The following MAPK10 variants were observed in gnomAD, a reference collection of about 807,000 sequenced individuals.
The protein encoded by MAPK10 is mitogen-activated protein kinase 10, also known as JNK3 alpha protein kinase.
Under a neutral mutation model 59.3 loss-of-function variants are expected in MAPK10, and 25 were observed. The observed-to-expected ratio is 0.42, with a 90% CI of 0.31 to 0.59. The LOEUF is 0.59. MAPK10 is among the 20% of genes least tolerant of loss of function. MAPK10 has a pLI of 0.15. For synonymous variants in MAPK10, 190 were observed against 200.5 expected (o/e 0.95, Z 0.44); for missense variants, 351 against 568.9 (o/e 0.62, Z 3.90).
chr4:86,208,863 T>C (rs1176692451), intron 2 of MAPK10, among the ~76,000 whole-genome samples: 1 of 152,102 alleles, frequency 6.6e-6, no homozygotes, highest in Non-Finnish European at 1.5e-5. Flanking sequence ...TTTTAAGCAA[T>C]AAAATAATTA....
chr4:86,576,277 G>T (rs1039516292), intron 1 of MAPK10, among the ~76,000 whole-genome samples: 7 of 152,034 alleles, frequency 4.6e-5, no homozygotes, highest in African/African-American at 1.7e-4. Flanking sequence ...AGAAAATGAG[G>T]GGGGAAGACA....
In MAPK10 at chr4:86,301,555, G is replaced by T. The variant is rs541315550; in HGVS notation, c.-7+52975C>A. ...ATGATCTATTATCCTCTTTAATGAAGGGAAGAGTCTAATAGACTTCTTCCA... is the reference window on the plus strand; with the variant it reads ...ATGATCTATTATCCTCTTTAATGAATGGAAGAGTCTAATAGACTTCTTCCA... On this transcript the variant is annotated intron_variant, in intron 2 of 13. Transcript: ENST00000641462. Among the ~76,000 whole-genome samples the T allele has an allele frequency of 2.0e-5, 3 of 152,188 alleles. No individual in the cohort carries two copies. The East Asian group carries it at 5.8e-4, about 29-fold the overall frequency.
At chr4:86,182,907 C>T (rs373308099) in intron 3 of MAPK10, among the ~76,000 whole-genome samples, 2 of 152,030 alleles carry the variant, frequency 1.3e-5, no homozygotes, top group Admixed American at 6.6e-5. Context: ...TCATGCTTCA[C>T]TTCTTTTTAT....
chr4:86,046,447 T>A (rs1396661302), intron 11 of MAPK10, among the ~76,000 whole-genome samples: 3 of 150,874 alleles, frequency 2.0e-5, no homozygotes, highest in Non-Finnish European at 4.4e-5. Context: ...GGGTTTGTCA[T>A]AAATAGCTGT....
chr4:86,289,134 G>A (rs1167467033), intron 2 of MAPK10, among the ~76,000 whole-genome samples: 3 of 152,148 alleles, frequency 2.0e-5, no homozygotes, highest in Non-Finnish European at 2.9e-5. Flanking sequence ...CAGAGACATG[G>A]ATAAAGTGAA....
intron 1 of MAPK10, among the ~76,000 whole-genome samples, chr4:86,560,330 C>T (rs1760578825): frequency 6.6e-6 from 1 of 152,058 alleles, no homozygotes; most frequent in South Asian, 2.1e-4. Context: ...AGTGTGTGCC[C>T]CTACAGGTTG....
intron 9 of MAPK10, among the ~76,000 whole-genome samples, chr4:86,093,146 T>TA (rs1208627133): frequency 1.2e-4 from 18 of 152,156 alleles, no homozygotes. Flanking sequence ...TAAAGAACTA[T>TA]ATTGCTACTT....
chr4:86,194,235 T>C, intron 3 of MAPK10, 101 bp downstream of exon 3: 2 of 903,228 alleles, frequency 2.2e-6, no homozygotes, highest in South Asian at 1.4e-5. Context: ...GTTAATATGA[T>C]ATAAATACTG....
At chr4:86,573,494 G>A (rs79456220) in intron 1 of MAPK10, among the ~76,000 whole-genome samples, 7,129 of 152,108 alleles carry the variant, frequency 0.047, 221 homozygotes, top group African/African-American at 0.059. Flanking sequence ...CTTGAATACT[G>A]CAGCTGAATA....
At position 86,503,354 on chromosome 4, in the gene MAPK10, T is replaced by C. The variant is rs563387253; in HGVS notation, c.-263+90556A>G. 1.1e-4 allele frequency among the ~76,000 whole-genome samples: 17 copies of C among 152,250 alleles called. No individual in the cohort carries two copies. In the South Asian group the frequency reaches 3.1e-3, roughly 28 times the overall value. ...CAGCTCCCATACTTTTCCAATTAGA[T>C]TGTTGAAATGGGTACCTAAAATATC... On this transcript the variant is annotated intron_variant, in intron 1 of 4. Transcript: ENST00000502302.
chr4:86,017,125 G>A lies in MAPK10; in HGVS notation c.*103C>T, dbSNP rs1468255132. 7.9e-7 allele frequency: 1 copy of A among 1,258,952 alleles called. No individual in the cohort carries two copies. The highest frequency in any genetic ancestry group is 2.4e-5 in the East Asian group (1 of 42,216). 78.0% of individuals were successfully genotyped at this position (1,258,952 alleles called of 1,614,324 possible). A position where few individuals can be genotyped will look rare whatever the true frequency, so the allele number is the denominator to read the frequency against. On this transcript the variant is annotated 3_prime_UTR_variant, in exon 14 of 14. Transcript: ENST00000641462. This position sits in a 1 kb window ranked among gnomAD's most constrained non-coding sequence, Gnocchi z 4.4. ...GGATTCTCTCCCTTGCTGTTTTCTT[G>A]ATGTTGTGTGTCTGCATTTGTGTGT...
chr4:86,197,604 G>C (rs1051863618), intron 2 of MAPK10, among the ~76,000 whole-genome samples: 1 of 152,120 alleles, frequency 6.6e-6, no homozygotes, highest in African/African-American at 2.4e-5. Flanking sequence ...CCTATCTACA[G>C]TGGGAAGTCA....
Position 86,502,155 on chromosome 4 carries a change from T to C in MAPK10, c.-263+91755A>G, listed in dbSNP as rs561593669. On this transcript the variant is annotated intron_variant, in intron 1 of 4. Coordinates refer to the MAPK10 transcript ENST00000502302. ...TGCCTCTTTAACGGCTACTTTTTGA[T>C]CTCCATTTTTTTTCCTCCTCTAAAT... is the stretch of plus-strand genomic sequence containing the variant. 2.8e-4 allele frequency among the ~76,000 whole-genome samples: 42 copies of C among 152,088 alleles called. 1 individual carries two copies. In the East Asian group the frequency reaches 7.4e-3, roughly 27 times the overall value.
chr4:86,147,540 G>A (rs905596787), intron 4 of MAPK10, among the ~76,000 whole-genome samples: 1 of 151,922 alleles, frequency 6.6e-6, no homozygotes, highest in Non-Finnish European at 1.5e-5. Flanking sequence ...CCAAACTTAT[G>A]ATACTAATGT....
intron 2 of MAPK10, among the ~76,000 whole-genome samples, chr4:86,289,981 T>C (rs1584150145): frequency 6.6e-6 from 1 of 152,126 alleles, no homozygotes; most frequent in African/African-American, 2.4e-5. Flanking sequence ...AGAATTGATT[T>C]TGGACGTATT....
intron 1 of MAPK10, among the ~76,000 whole-genome samples, chr4:86,577,317 AT>A (rs905024200): frequency 2.6e-5 from 4 of 152,162 alleles, no homozygotes; most frequent in South Asian, 2.1e-4. Context: ...TCTCAAAAAA[AT>A]TTTTTTTAAT....
intron 1 of MAPK10, among the ~76,000 whole-genome samples, chr4:86,498,275 T>C (rs1480072499): frequency 6.6e-6 from 1 of 152,240 alleles, no homozygotes; most frequent in Non-Finnish European, 1.5e-5. Context: ...AAAATGGCTA[T>C]TTCTGGTGCA....
chr4:86,045,659 G>A (rs745562766), intron 11 of MAPK10, among the ~76,000 whole-genome samples: 24 of 151,836 alleles, frequency 1.6e-4, no homozygotes, highest in Non-Finnish European at 2.6e-4. Flanking sequence ...TAGCATGCAT[G>A]GTACATGACA....
chr4:86,366,574 T>C (rs771244269), intron 1 of MAPK10, among the ~76,000 whole-genome samples: 172 of 152,098 alleles, frequency 1.1e-3, no homozygotes, highest in Middle Eastern at 3.2e-3. Flanking sequence ...GTCACCAGGA[T>C]GTTAAGAGAC....
Sources: allele counts gnomAD v4.1 joint callset (sites outside exome capture counted in the v4.1 genomes callset), GRCh38; gene constraint gnomAD v4.1.1; non-coding constraint Gnocchi (gnomAD v3.1); transcripts MANE v1.5; gene names NCBI Gene and HGNC (gene_info 2026-07-23, HGNC 2026-07-21).